Variants in GRIA1 observed in about 807,000 individuals in gnomAD.
The protein encoded by GRIA1 is glutamate ionotropic receptor AMPA type subunit 1.
Under a neutral mutation model 99.2 loss-of-function variants are expected in GRIA1, and 31 were observed. The ratio of observed to expected loss-of-function variants is 0.31; its 90% confidence interval spans 0.23 to 0.42. The LOEUF is 0.42. Ranked by LOEUF, GRIA1 falls within the 10% of genes least tolerant of loss-of-function variation. The probability of loss-of-function intolerance (pLI) is 1.00; values close to 1 mark genes in which losing one functional copy is unlikely to be tolerated. For synonymous variants in GRIA1, 438 were observed against 432.4 expected, an observed-to-expected ratio of 1.01 and a Z score of -0.16; for missense variants, 782 against 1,157.5, an observed-to-expected ratio of 0.68 and a Z score of 4.71.
intron 5 of GRIA1, 100 bp downstream of exon 5, chr5:153,655,972 A>G: frequency 1.1e-6 from 1 of 943,416 alleles, no homozygotes; most frequent in Non-Finnish European, 1.7e-6. Context: ...AGTAGGTGGA[A>G]GGGGCAATTC....
chr5:153,766,267 A>T (rs1317160500), intron 12 of GRIA1, among the ~76,000 whole-genome samples: 3 of 152,208 alleles, frequency 2.0e-5, no homozygotes, highest in Admixed American at 6.5e-5. Context: ...CAGTTAATAA[A>T]AAAGCCACTT....
chr5:153,797,981 C>T (rs1026558380), intron 14 of GRIA1, among the ~76,000 whole-genome samples: 12 of 152,168 alleles, frequency 7.9e-5, no homozygotes. Flanking sequence ...TGATCCCAGA[C>T]CCTCTAGAAA....
At chr5:153,498,588 C>CATT (rs1433199842) in intron 2 of GRIA1, among the ~76,000 whole-genome samples, 1 of 152,196 alleles carries the variant, frequency 6.6e-6, no homozygotes, top group Non-Finnish European at 1.5e-5. Context: ...CCTAACAAGA[C>CATT]ATTAGGCACT....
At chr5:153,550,935 A>G (rs1195112191) in intron 2 of GRIA1, among the ~76,000 whole-genome samples, 1 of 152,156 alleles carries the variant, frequency 6.6e-6, no homozygotes, top group Non-Finnish European at 1.5e-5. Flanking sequence ...CATGTGCACA[A>G]TGTGCAGGTT....
intron 2 of GRIA1, among the ~76,000 whole-genome samples, chr5:153,547,109 C>T (rs1759680010): frequency 6.6e-6 from 1 of 152,312 alleles, no homozygotes; most frequent in Non-Finnish European, 1.5e-5. Flanking sequence ...CAGCCCAACA[C>T]GGCTTTGAAT....
At chr5:153,632,548 A>C (rs1213956996) in intron 2 of GRIA1, among the ~76,000 whole-genome samples, 7 of 152,196 alleles carry the variant, frequency 4.6e-5, no homozygotes, top group Non-Finnish European at 1.5e-5. Flanking sequence ...TGTGCAGCCC[A>C]CCTCATATTT....
intron 2 of GRIA1, among the ~76,000 whole-genome samples, chr5:153,578,148 C>CAAAAAAAAAAAAAAAAAAAA (rs60901793): frequency 1.7e-4 from 12 of 69,314 alleles, no homozygotes; most frequent in Non-Finnish European, 2.5e-4. Context: ...GAGACTCTGT[C>CAAAAAAAAAAAAAAAAAAAA]AAAAAAAAAA....
chr5:153,651,527 C>T (rs1754575237), intron 4 of GRIA1, among the ~76,000 whole-genome samples: 1 of 152,118 alleles, frequency 6.6e-6, no homozygotes, highest in South Asian at 2.1e-4. Context: ...GTTGCAATAA[C>T]TTTTGAACAA....
At chr5:153,698,513 G>C (rs750504337) in intron 9 of GRIA1, among the ~76,000 whole-genome samples, 3 of 152,200 alleles carry the variant, frequency 2.0e-5, no homozygotes, top group South Asian at 2.1e-4. Context: ...AAGTGAAGAT[G>C]CTGTAATTTT....
chr5:153,789,120 A>G (rs891479514), intron 13 of GRIA1, among the ~76,000 whole-genome samples: 48 of 152,272 alleles, frequency 3.2e-4, no homozygotes, highest in African/African-American at 1.1e-3. Context: ...ACCTGCTTCA[A>G]TGTTATTCCA....
intron 8 of GRIA1, among the ~76,000 whole-genome samples, chr5:153,693,590 C>T (rs1757909192): frequency 6.6e-6 from 1 of 152,158 alleles, no homozygotes; most frequent in South Asian, 2.1e-4. Context: ...ACTTTCTCCA[C>T]TTAAAAAATC....
At chr5:153,732,602 G>A (rs1761114052) in intron 11 of GRIA1, among the ~76,000 whole-genome samples, 1 of 152,048 alleles carries the variant, frequency 6.6e-6, no homozygotes, top group Non-Finnish European at 1.5e-5. Context: ...AGTTGTAAGA[G>A]TGTCATATAT....
At chr5:153,776,271 A>G (rs1458374191) in intron 13 of GRIA1, among the ~76,000 whole-genome samples, 1 of 152,186 alleles carries the variant, frequency 6.6e-6, no homozygotes, top group Non-Finnish European at 1.5e-5. Flanking sequence ...GTCACTAGTC[A>G]TATCCTTCAC....
At chr5:153,682,213 C>T (rs1332474775) in intron 7 of GRIA1, among the ~76,000 whole-genome samples, 6 of 152,106 alleles carry the variant, frequency 3.9e-5, no homozygotes, top group Admixed American at 3.3e-4. Context: ...ACCTAGTCTA[C>T]AGGCCTCACA....
chr5:153,541,928 C>CAA (rs57442019), intron 2 of GRIA1, among the ~76,000 whole-genome samples: 31,139 of 96,854 alleles, frequency 0.32, 6,900 homozygotes, highest in Non-Finnish European at 0.46. Context: ...GATCCTGTTT[C>CAA]AAAAAAAAAA....
At chr5:153,721,056 G>A (rs377215081) in intron 11 of GRIA1, among the ~76,000 whole-genome samples, 10 of 152,282 alleles carry the variant, frequency 6.6e-5, no homozygotes, top group African/African-American at 2.4e-4. Context: ...GGAAAAAGGG[G>A]AGACACATGA....
In GRIA1 at chr5:153,519,959, G is replaced by A. The variant is rs140134247; in HGVS notation, c.220+25894G>A. Among the ~76,000 whole-genome samples, 745 of 152,220 alleles carry A rather than the reference G, an allele frequency of 4.9e-3. 6 individuals carry two copies. The highest frequency in any genetic ancestry group is 0.017 in the African/African-American group (715 of 41,548). ...AAAGTAGAGTAGGAGTGAAAGGATT[G>A]TTAATCTGTTAATCTGCCTGTCCAG... On this transcript the variant is annotated intron_variant, in intron 2 of 15. Coordinates refer to ENST00000285900, the MANE Select transcript of GRIA1 (RefSeq NM_000827.4).
At chr5:153,740,649 T>C (rs1655596052) in intron 11 of GRIA1, among the ~76,000 whole-genome samples, 1 of 152,244 alleles carries the variant, frequency 6.6e-6, no homozygotes, top group South Asian at 2.1e-4. Flanking sequence ...GTCCACCAGA[T>C]ATATCCAGCT....
intron 11 of GRIA1, among the ~76,000 whole-genome samples, chr5:153,729,380 A>G (rs1453761495): frequency 6.6e-6 from 1 of 152,026 alleles, no homozygotes; most frequent in Non-Finnish European, 1.5e-5. Context: ...AACTTAAAGT[A>G]TAATAATAAT....
Sources: gnomAD v4.1 joint callset for allele counts (sites outside exome capture counted in the v4.1 genomes callset) on GRCh38, gnomAD v4.1.1 for gene constraint, MANE v1.5 for transcripts, NCBI Gene and HGNC (gene_info 2026-07-23, HGNC 2026-07-21) for gene names.